Variants in MGAT4C observed in about 807,000 individuals in gnomAD.
MGAT4C encodes alpha-1,3-mannosyl-glycoprotein 4-beta-N-acetylglucosaminyltransferase C.
A neutral mutation model predicts 40.1 loss-of-function variants in MGAT4C; 19 were observed. The observed-to-expected ratio is 0.47, with a 90% confidence interval of 0.33 to 0.70. MGAT4C has a LOEUF of 0.70. Among genes scored for constraint, MGAT4C ranks in the 30% least tolerant of loss-of-function variants. The pLI, the probability that MGAT4C is intolerant of heterozygous loss-of-function variation, is 0.02. For synonymous variants in MGAT4C, 181 were observed against 187.1 expected, an observed-to-expected ratio of 0.97 and a Z score of 0.27; for missense variants, 491 against 563.2, an observed-to-expected ratio of 0.87 and a Z score of 1.30.
chr12:86,655,414 T>C (rs561180570), intron 2 of MGAT4C, among the ~76,000 whole-genome samples: 49 of 152,250 alleles, frequency 3.2e-4, no homozygotes, highest in Non-Finnish European at 5.4e-4. Context: ...ACAAGTATTT[T>C]GATATTTCTT....
At chr12:86,517,750 A>G (rs1958720756) in intron 2 of MGAT4C, among the ~76,000 whole-genome samples, 1 of 152,116 alleles carries the variant, frequency 6.6e-6, no homozygotes, top group African/African-American at 2.4e-5. Flanking sequence ...GGTTCACGCC[A>G]TTCTCCTGCC....
chr12:86,044,833 A>G (rs1187672043), intron 2 of MGAT4C, among the ~76,000 whole-genome samples: 4 of 152,072 alleles, frequency 2.6e-5, no homozygotes, highest in Non-Finnish European at 5.9e-5. Flanking sequence ...ATACCCCGTG[A>G]GTTCAGCACA....
At chr12:86,746,903 C>T (rs1341276295) in intron 1 of MGAT4C, among the ~76,000 whole-genome samples, 1 of 151,528 alleles carries the variant, frequency 6.6e-6, no homozygotes, top group Non-Finnish European at 1.5e-5. Context: ...TTGTTTGTTT[C>T]GCTTGCTACA....
chr12:86,565,863 G>A (rs1385785988), intron 2 of MGAT4C, among the ~76,000 whole-genome samples: 1 of 152,170 alleles, frequency 6.6e-6, no homozygotes, highest in Non-Finnish European at 1.5e-5. Context: ...GTGGGCCCAA[G>A]AACAAAGTGG....
At chr12:86,679,139 G>A (rs1949930597) in intron 2 of MGAT4C, among the ~76,000 whole-genome samples, 2 of 152,084 alleles carry the variant, frequency 1.3e-5, no homozygotes, top group Admixed American at 1.3e-4. Flanking sequence ...GTGTGAGATG[G>A]TATCTCATTG....
intron 3 of MGAT4C, among the ~76,000 whole-genome samples, chr12:86,366,525 C>T (rs1955599662): frequency 6.6e-6 from 1 of 152,112 alleles, no homozygotes; most frequent in Non-Finnish European, 1.5e-5. Context: ...ACATTGGGTA[C>T]TCATGGACAT....
chr12:86,574,727 T>G (rs1960494459), intron 2 of MGAT4C, among the ~76,000 whole-genome samples: 1 of 151,812 alleles, frequency 6.6e-6, no homozygotes, highest in Admixed American at 6.6e-5. Flanking sequence ...CTTCATTGAT[T>G]GAGCAATTTA....
At chr12:86,652,112 G>A (rs1380960090) in intron 2 of MGAT4C, among the ~76,000 whole-genome samples, 1 of 151,766 alleles carries the variant, frequency 6.6e-6, no homozygotes, top group African/African-American at 2.4e-5. Context: ...TATGTTTATA[G>A]CAACCACTAT....
At chr12:86,624,838 G>T (rs909974896) in intron 2 of MGAT4C, among the ~76,000 whole-genome samples, 2 of 151,974 alleles carry the variant, frequency 1.3e-5, no homozygotes, top group African/African-American at 4.8e-5. Context: ...CAAATGTTGG[G>T]TTAATTTTTA....
At chr12:86,765,729 A>C (rs1317842068) in intron 1 of MGAT4C, among the ~76,000 whole-genome samples, 1 of 152,348 alleles carries the variant, frequency 6.6e-6, no homozygotes, top group Non-Finnish European at 1.5e-5. Flanking sequence ...CTTAAAGAAA[A>C]GAATATTCAA....
chr12:86,383,549 C>CCAAA (rs1955992059), intron 3 of MGAT4C, among the ~76,000 whole-genome samples: 1 of 49,862 alleles, frequency 2.0e-5, no homozygotes, highest in East Asian at 8.9e-4. Flanking sequence ...CACTTCGTCT[C>CCAAA]AAAAAAAAAA....
chr12:86,401,254 A>G (rs1304801821), intron 3 of MGAT4C, among the ~76,000 whole-genome samples: 1 of 147,876 alleles, frequency 6.8e-6, no homozygotes, highest in Admixed American at 6.8e-5. Context: ...TAGATAACAT[A>G]TATATATGTG....
chr12:86,712,822 C>A (rs757445012), intron 2 of MGAT4C, among the ~76,000 whole-genome samples: 3 of 152,052 alleles, frequency 2.0e-5, no homozygotes, highest in Non-Finnish European at 2.9e-5. Flanking sequence ...TCCTCTGGCT[C>A]CATTCTCTAA....
intron 1 of MGAT4C, among the ~76,000 whole-genome samples, chr12:86,074,911 G>T (rs1290569843): frequency 6.6e-6 from 1 of 152,022 alleles, no homozygotes; most frequent in Non-Finnish European, 1.5e-5. Context: ...ACAACATGGG[G>T]GAATTATGGA....
chr12:86,483,399 C>T (rs979184125), intron 2 of MGAT4C, among the ~76,000 whole-genome samples: 2 of 151,964 alleles, frequency 1.3e-5, no homozygotes, highest in African/African-American at 2.4e-5. Flanking sequence ...TAACATTTTA[C>T]CCCCCAAAAT....
chr12:86,163,104 C>T (rs1383946690), intron 1 of MGAT4C, among the ~76,000 whole-genome samples: 1 of 152,116 alleles, frequency 6.6e-6, no homozygotes, highest in Non-Finnish European at 1.5e-5. Context: ...AGTAAAATCG[C>T]TACAGTCAGT....
At chr12:86,026,142 G>T (rs1227632550) in intron 2 of MGAT4C, among the ~76,000 whole-genome samples, 1 of 151,750 alleles carries the variant, frequency 6.6e-6, no homozygotes, top group Non-Finnish European at 1.5e-5. Context: ...CTATTCATAA[G>T]GAGTGGGGAT....
At chr12:86,434,821 G>A (rs563562291) in intron 3 of MGAT4C, among the ~76,000 whole-genome samples, 3 of 151,838 alleles carry the variant, frequency 2.0e-5, no homozygotes, top group Non-Finnish European at 4.4e-5. Flanking sequence ...TTCACTCTCA[G>A]CCATGGTATC....
intron 1 of MGAT4C, among the ~76,000 whole-genome samples, chr12:86,133,914 T>C (rs929864802): frequency 2.0e-5 from 3 of 152,064 alleles, no homozygotes; most frequent in Admixed American, 6.5e-5. Context: ...ATATGCAATT[T>C]AGTTGCTAAA....
Sources: allele counts gnomAD v4.1 joint callset (sites outside exome capture counted in the v4.1 genomes callset), GRCh38; gene constraint gnomAD v4.1.1; transcripts MANE v1.5; gene names NCBI Gene and HGNC (gene_info 2026-07-23, HGNC 2026-07-21).